PDSS2: variants seen among roughly 807,000 people sequenced by gnomAD.
PDSS2 encodes decaprenyl diphosphate synthase subunit 2.
PDSS2 carries 31 observed loss-of-function variants against 44.5 expected under a neutral mutation model. That is an observed-to-expected ratio of 0.70 (90% CI 0.52 to 0.94). PDSS2 has a LOEUF of 0.94. PDSS2 is among the 40% of genes least tolerant of loss of function. PDSS2 has a pLI of 0.00. For synonymous variants in PDSS2, 157 were observed against 180.3 expected (o/e 0.87, Z 1.03); for missense variants, 452 against 482.2 (o/e 0.94, Z 0.59).
intron 1 of PDSS2, among the ~76,000 whole-genome samples, chr6:107,445,952 T>C (rs544947424): frequency 1.3e-5 from 2 of 152,088 alleles, no homozygotes; most frequent in African/African-American, 2.4e-5. Flanking sequence ...GTCTGTCTGT[T>C]TCTCTCTCTC....
intron 7 of PDSS2, chr6:107,192,220 G>T: frequency 3.3e-6 from 1 of 303,844 alleles, no homozygotes; most frequent in Non-Finnish European, 6.3e-6. Context: ...AGACCGAGTG[G>T]CAGATATGGA....
intron 2 of PDSS2, among the ~76,000 whole-genome samples, chr6:107,329,742 A>G (rs192571915): frequency 6.6e-6 from 1 of 152,206 alleles, no homozygotes; most frequent in East Asian, 1.9e-4. Context: ...CTTTTCCATA[A>G]ATTCATACAA....
At chr6:107,354,629 G>A (rs1173717035) in intron 1 of PDSS2, among the ~76,000 whole-genome samples, 2 of 152,198 alleles carry the variant, frequency 1.3e-5, no homozygotes, top group Non-Finnish European at 2.9e-5. Context: ...CAGCGACCCT[G>A]TATCTGGAAG....
rs909986117 is a variant in PDSS2, at chr6:107,220,418, CT to C, written c.703-8137del. On this transcript the variant is annotated intron_variant, in intron 4 of 7. Transcript: ENST00000369037. Reference sequence around the variant, plus strand: ...AAGGTTCTATTATGGTTCAGGCTTTCTGCAAAGCAATATAGATATGAAGATT... The same window carrying C: ...AAGGTTCTATTATGGTTCAGGCTTTCGCAAAGCAATATAGATATGAAGATT... 1.2e-4 allele frequency among the ~76,000 whole-genome samples: 19 copies of C among 152,156 alleles called. No individual in the cohort carries two copies. The East Asian group carries it at 3.7e-3, about 29-fold the overall frequency.
intron 4 of PDSS2, among the ~76,000 whole-genome samples, chr6:107,221,394 A>G (rs966350588): frequency 6.7e-6 from 1 of 149,864 alleles, no homozygotes; most frequent in Non-Finnish European, 1.5e-5. Context: ...ATCAACTTAC[A>G]TATGTGCAGT....
chr6:107,378,593 T>C (rs1779362911), intron 1 of PDSS2, among the ~76,000 whole-genome samples: 1 of 152,086 alleles, frequency 6.6e-6, no homozygotes, highest in African/African-American at 2.4e-5. Context: ...CAAGACCAGC[T>C]GGGCCAATAT....
chr6:107,308,211 A>G (rs1034294847), intron 2 of PDSS2, among the ~76,000 whole-genome samples: 3 of 152,194 alleles, frequency 2.0e-5, no homozygotes, highest in Admixed American at 6.5e-5. Context: ...TCCTGAGTTA[A>G]TTAATGAAAA....
chr6:107,457,299 C>T (rs1414696096), intron 1 of PDSS2, among the ~76,000 whole-genome samples: 5 of 152,142 alleles, frequency 3.3e-5, no homozygotes, highest in South Asian at 2.1e-4. Flanking sequence ...ATTACACCAT[C>T]GTTTCAAAAG....
intron 1 of PDSS2, among the ~76,000 whole-genome samples, chr6:107,409,918 G>A (rs941059151): frequency 4.6e-5 from 7 of 152,150 alleles, no homozygotes; most frequent in African/African-American, 9.7e-5. Flanking sequence ...GACCTTACCC[G>A]GGGAGGCATC....
intron 1 of PDSS2, among the ~76,000 whole-genome samples, chr6:107,341,779 T>C (rs1462798049): frequency 6.6e-6 from 1 of 152,164 alleles, no homozygotes; most frequent in Non-Finnish European, 1.5e-5. Context: ...ATGGACTTAC[T>C]ATAAACCTCT....
chr6:107,381,657 G>A (rs955326767), intron 1 of PDSS2, among the ~76,000 whole-genome samples: 2 of 152,048 alleles, frequency 1.3e-5, no homozygotes, highest in Admixed American at 6.6e-5. Flanking sequence ...CAACTAGAAT[G>A]CTTTTACTAT....
chr6:107,266,517 C>T (rs912494014), intron 3 of PDSS2, among the ~76,000 whole-genome samples: 3 of 151,604 alleles, frequency 2.0e-5, no homozygotes, highest in African/African-American at 7.3e-5. Context: ...CAACATACAA[C>T]TATCAAATTC....
At chr6:107,390,185 C>T (rs1352901398) in intron 1 of PDSS2, among the ~76,000 whole-genome samples, 1 of 152,092 alleles carries the variant, frequency 6.6e-6, no homozygotes, top group Admixed American at 6.5e-5. Flanking sequence ...GATTTAGTGA[C>T]TCACTTCCAA....
At chr6:107,293,946 C>T (rs1235086443) in intron 2 of PDSS2, among the ~76,000 whole-genome samples, 1 of 152,084 alleles carries the variant, frequency 6.6e-6, no homozygotes, top group Non-Finnish European at 1.5e-5. Flanking sequence ...AACTGCCAGG[C>T]ATTGAGTTCT....
At chr6:107,203,559 C>A (rs1329667451) in intron 6 of PDSS2, among the ~76,000 whole-genome samples, 1 of 152,170 alleles carries the variant, frequency 6.6e-6, no homozygotes, top group Admixed American at 6.5e-5. Flanking sequence ...TTGATCATAT[C>A]AGGCTCAAAA....
In PDSS2 at chr6:107,212,051, C is replaced by T. The variant is rs1206091424; in HGVS notation, c.876+58G>A. The T allele has an allele frequency of 2.9e-5, 41 of 1,427,768 alleles. No homozygotes were observed. The East Asian group carries it at 9.1e-4, about 32-fold the overall frequency. 88.4% of individuals were successfully genotyped at this position (1,427,768 alleles called of 1,614,324 possible). A position where few individuals can be genotyped will look rare whatever the true frequency, so the allele number is the denominator to read the frequency against. ...AAGCTTATTAAATGGCAAAAGGTTT[C>T]TTGTGTGTCGTTTTAGCTATTTAAG... is the stretch of plus-strand genomic sequence containing the variant. On this transcript the variant is annotated intron_variant, in intron 5 of 7. Coordinates refer to ENST00000369037, the MANE Select transcript of PDSS2 (RefSeq NM_020381.4).
chr6:107,221,017 T>A (rs916017688), intron 4 of PDSS2, among the ~76,000 whole-genome samples: 4 of 152,212 alleles, frequency 2.6e-5, no homozygotes, highest in African/African-American at 9.6e-5. Context: ...GTGAAATGAA[T>A]GCATGTTAGT....
At chr6:107,404,463 TA>T (rs1479363668) in intron 1 of PDSS2, among the ~76,000 whole-genome samples, 1 of 152,176 alleles carries the variant, frequency 6.6e-6, no homozygotes, top group Non-Finnish European at 1.5e-5. Flanking sequence ...CTCCCACTGC[TA>T]ATAAAGACAT....
At chr6:107,415,394 C>A (rs1041049582) in intron 1 of PDSS2, among the ~76,000 whole-genome samples, 2 of 152,064 alleles carry the variant, frequency 1.3e-5, no homozygotes, top group African/African-American at 4.8e-5. Flanking sequence ...AGATTATAGG[C>A]ACAGACAGCA....
Sources: gnomAD v4.1 joint callset for allele counts (sites outside exome capture counted in the v4.1 genomes callset) on GRCh38, gnomAD v4.1.1 for gene constraint, MANE v1.5 for transcripts, NCBI Gene and HGNC (gene_info 2026-07-23, HGNC 2026-07-21) for gene names.